The following VWA3B variants were observed in gnomAD, a reference collection of about 807,000 sequenced individuals.
VWA3B encodes von Willebrand factor A domain containing 3B.
Under a neutral mutation model 158.3 loss-of-function variants are expected in VWA3B, and 138 were observed. The observed-to-expected ratio is 0.87, with a 90% CI of 0.76 to 1.00. The LOEUF (loss-of-function observed/expected upper bound fraction) is 1.00, where lower values mean the gene tolerates loss of function less well. VWA3B is among the 50% of genes least tolerant of loss of function. The pLI is 0.00. For missense variants in VWA3B, 1,555 were observed against 1,565.1 expected, an observed-to-expected ratio of 0.99 and a Z score of 0.11; for synonymous variants, 596 against 587.3, an observed-to-expected ratio of 1.01 and a Z score of -0.21.
chr2:98,103,607 C>T (rs1041790191), intron 2 of VWA3B, among the ~76,000 whole-genome samples: 1 of 151,976 alleles, frequency 6.6e-6, no homozygotes, highest in Non-Finnish European at 1.5e-5. Flanking sequence ...TGTTGGATTA[C>T]TAATTTAATT....
chr2:98,130,072 C>A (rs1432237902), intron 6 of VWA3B, among the ~76,000 whole-genome samples: 1 of 152,120 alleles, frequency 6.6e-6, no homozygotes, highest in African/African-American at 2.4e-5. Flanking sequence ...TGATCATTAT[C>A]GGGTGTGGCA....
intron 22 of VWA3B, among the ~76,000 whole-genome samples, chr2:98,272,909 T>C (rs62157902): frequency 0.039 from 5,912 of 152,298 alleles, 169 homozygotes; most frequent in Middle Eastern, 0.075. Flanking sequence ...TGTACACTCT[T>C]TCTATCCCAT....
chr2:98,309,254 A>G (rs1180746673), intron 26 of VWA3B, among the ~76,000 whole-genome samples: 2 of 152,158 alleles, frequency 1.3e-5, no homozygotes, highest in African/African-American at 2.4e-5. Flanking sequence ...TCCAAATGTG[A>G]TATCAGGAAA....
chr2:98,190,321 A>T (rs1202561602), intron 10 of VWA3B, among the ~76,000 whole-genome samples: 1 of 152,128 alleles, frequency 6.6e-6, no homozygotes, highest in Non-Finnish European at 1.5e-5. Flanking sequence ...TTTCACTCCC[A>T]CTTACGCCCT....
Position 98,297,929 on chromosome 2 carries a change from C to A in VWA3B, c.3180C>A (p.Ser1060Arg). 6.4e-7 allele frequency: 1 copy of A among 1,567,446 alleles called. No individual in the cohort carries two copies. ...YFPGVVKKCV[S>R]RTQALVGFSY... ...CAGGGGTTGTGAAGAAGTGTGTGAGCCGCACCCAAGCACTGGTGGGCTTCA... is the reference window on the plus strand; with the variant it reads ...CAGGGGTTGTGAAGAAGTGTGTGAGACGCACCCAAGCACTGGTGGGCTTCA... Residue 1060 changes from serine (S) to arginine (R), a missense_variant, in exon 24 of 28, where the codon AGC becomes AGA. Coordinates refer to ENST00000477737, the MANE Select transcript of VWA3B (RefSeq NM_144992.5).
Position 98,139,951 on chromosome 2 carries a change from C to T in VWA3B, c.988+6012C>T, listed in dbSNP as rs143677971. On this transcript the variant is annotated intron_variant, in intron 7 of 27. Coordinates refer to ENST00000477737, the MANE Select transcript of VWA3B (RefSeq NM_144992.5). ...TGTTTTCATGAGCTGTAACACTCAC[C>T]GCAAAGGTCTGCAGCTTCACTCCTG... is the stretch of plus-strand genomic sequence containing the variant. 4.6e-5 allele frequency among the ~76,000 whole-genome samples: 7 copies of T among 152,264 alleles called. No individual in the cohort carries two copies. The East Asian group carries it at 1.2e-3, about 25-fold the overall frequency.
intron 12 of VWA3B, chr2:98,207,764 T>C: frequency 2.9e-6 from 1 of 339,880 alleles, no homozygotes; most frequent in Non-Finnish European, 5.8e-6. Context: ...AGCACTCATC[T>C]GCTGTACTGT....
intron 3 of VWA3B, 118 bp from the exon 4 acceptor site, chr2:98,119,395 G>A (rs1420767462): frequency 8.7e-7 from 1 of 1,144,560 alleles, no homozygotes; most frequent in East Asian, 2.5e-5. Flanking sequence ...GGATTCTGTA[G>A]TGTTTGGAGG....
intron 25 of VWA3B, among the ~76,000 whole-genome samples, chr2:98,300,845 T>A (rs899820017): frequency 6.6e-6 from 1 of 152,082 alleles, no homozygotes; most frequent in Non-Finnish European, 1.5e-5. Flanking sequence ...CTCCTTCTCC[T>A]CTGTGTCCCC....
In VWA3B at chr2:98,092,610, T is replaced by C. The variant is rs570869355; in HGVS notation, c.-32-451T>C. 3.3e-5 allele frequency among the ~76,000 whole-genome samples: 5 copies of C among 151,960 alleles called. No individual in the cohort carries two copies. The South Asian group carries it at 1.0e-3, about 32-fold the overall frequency. On this transcript the variant is annotated intron_variant, in intron 1 of 27. Transcript: ENST00000477737. ...GTGAGCCTAGATTGTGCCACTGCAC[T>C]CCAGCCTGGGCAACAGAGCGAGACT... is the stretch of plus-strand genomic sequence containing the variant.
chr2:98,232,885 TGCA>T (rs1685431234), intron 16 of VWA3B, among the ~76,000 whole-genome samples: 1 of 152,106 alleles, frequency 6.6e-6, no homozygotes, highest in Non-Finnish European at 1.5e-5. Flanking sequence ...AGGGGAGAGT[TGCA>T]GCAGCTTCCC....
chr2:98,150,947 C>T (rs142232372), intron 7 of VWA3B, among the ~76,000 whole-genome samples: 6 of 152,300 alleles, frequency 3.9e-5, no homozygotes, highest in Non-Finnish European at 5.9e-5. Flanking sequence ...TGAGTCTTCT[C>T]GCCACCTGAT....
intron 9 of VWA3B, among the ~76,000 whole-genome samples, chr2:98,184,036 C>T (rs1024052786): frequency 3.9e-5 from 6 of 152,206 alleles, no homozygotes; most frequent in Non-Finnish European, 5.9e-5. Context: ...AAAACAGTCG[C>T]GGGACCTGTG....
chr2:98,129,347 G>A (rs77952018), intron 6 of VWA3B, among the ~76,000 whole-genome samples: 3,436 of 150,154 alleles, frequency 0.023, 129 homozygotes, highest in African/African-American at 0.08. Context: ...GCAGAGAGAC[G>A]GAGAAAGAGA....
chr2:98,093,087 T>C lies in VWA3B; in HGVS notation c.-6T>C. On this transcript the variant is annotated 5_prime_UTR_variant, in exon 2 of 28. Coordinates refer to ENST00000477737, the MANE Select transcript of VWA3B (RefSeq NM_144992.5). Reference sequence around the variant, plus strand: ...AGTTTGCTGTGACTTAGATCTTGATTCAGAGATGGAGAAATCAGGCCCATC... The same window carrying C: ...AGTTTGCTGTGACTTAGATCTTGATCCAGAGATGGAGAAATCAGGCCCATC... 6.2e-7 allele frequency: 1 copy of C among 1,612,676 alleles called. No homozygotes were observed. The highest frequency in any genetic ancestry group is 8.5e-7 in the Non-Finnish European group (1 of 1,178,948).
At chr2:98,115,855 C>A in intron 3 of VWA3B, 109 bp downstream of exon 3, 1 of 858,048 alleles carries the variant, frequency 1.2e-6, no homozygotes, top group South Asian at 1.6e-5. Context: ...TGCAGCTGAG[C>A]CAAGCCCTTA....
intron 1 of VWA3B, among the ~76,000 whole-genome samples, chr2:98,090,184 A>G (rs1393882325): frequency 6.6e-6 from 1 of 152,156 alleles, no homozygotes; most frequent in Non-Finnish European, 1.5e-5. Flanking sequence ...CAACTGACCA[A>G]ATTTAAAAGA....
intron 2 of VWA3B, among the ~76,000 whole-genome samples, chr2:98,100,295 T>G (rs1402077146): frequency 6.6e-6 from 1 of 152,206 alleles, no homozygotes; most frequent in Non-Finnish European, 1.5e-5. Context: ...CTACAGACAT[T>G]GCAGCACTAG....
At chr2:98,096,238 G>A (rs1474137274) in intron 2 of VWA3B, among the ~76,000 whole-genome samples, 1 of 152,024 alleles carries the variant, frequency 6.6e-6, no homozygotes, top group Non-Finnish European at 1.5e-5. Flanking sequence ...CAGCAATGAA[G>A]CCATTCAGTC....
Sources: gnomAD v4.1 joint callset for allele counts (sites outside exome capture counted in the v4.1 genomes callset) on GRCh38, gnomAD v4.1.1 for gene constraint, MANE v1.5 for transcripts, NCBI Gene and HGNC (gene_info 2026-07-23, HGNC 2026-07-21) for gene names.